SLC66A2: variants seen among roughly 807,000 people sequenced by gnomAD.
SLC66A2 encodes PQ loop repeat containing 1.
Under a neutral mutation model 25.5 loss-of-function variants are expected in SLC66A2, and 23 were observed. The observed-to-expected ratio is 0.90, with a 90% CI of 0.65 to 1.28. SLC66A2 has a LOEUF of 1.28. Ranked by LOEUF, SLC66A2 falls within the 50% of genes most tolerant of loss-of-function variation. The pLI, the probability that SLC66A2 is intolerant of heterozygous loss-of-function variation, is 0.00. For synonymous variants in SLC66A2, 193 were observed against 166.5 expected (o/e 1.16, Z -1.23); for missense variants, 396 against 373.1 (o/e 1.06, Z -0.51).
Position 79,943,457 on chromosome 18 carries a change from C to T in SLC66A2, c.209G>A (p.Gly70Glu). Reference protein sequence around the residue: ...ANILRILFWFGRRFESPLLWQ... With the variant: ...ANILRILFWFERRFESPLLWQ... ...CAGCAGCGGGGACTCAAAGCGCCTT[C>T]CAAACCTGCGGGAGAGACACTGTGT... Residue 70 changes from glycine (G) to glutamate (E), a missense_variant, in exon 3 of 6, where the codon GGA becomes GAA. Coordinates refer to ENST00000397778, the MANE Select transcript of SLC66A2 (RefSeq NM_025078.5). 1 of 1,613,886 alleles carries T rather than the reference C, an allele frequency of 6.2e-7. No individual in the cohort carries two copies. The highest frequency in any genetic ancestry group is 1.1e-5 in the South Asian group (1 of 91,060).
intron 5 of SLC66A2, among the ~76,000 whole-genome samples, chr18:79,905,457 AT>A (rs34047240): frequency 1 from 152,379 of 152,380 alleles, 76,189 homozygotes; most frequent in Non-Finnish European, 1. Context: ...AGGCTTCGGA[AT>A]TCCCCCCTGC....
Position 79,907,260 on chromosome 18 carries a change from T to C in SLC66A2, c.609-3077A>G, listed in dbSNP as rs148538873. On this transcript the variant is annotated intron_variant, in intron 5 of 5. Transcript: ENST00000397778. The stretch of plus-strand genomic sequence containing the variant: ...CCTACGGTTTTATTCCTGCCTTCTT[T>C]TAGATTATTTGAAATTTTTAAAATA... 4.4e-3 allele frequency among the ~76,000 whole-genome samples: 677 copies of C among 152,190 alleles called. 5 individuals carry two copies. Among genetic ancestry groups the C allele is most frequent in the African/African-American group, 0.015 (624 of 41,544 alleles).
rs775132903 is a variant in SLC66A2 at position 79,937,419 on chromosome 18, C to CAT, written c.338-3399_338-3398dup. 2.6e-5 allele frequency among the ~76,000 whole-genome samples: 4 copies of CAT among 152,224 alleles called. No individual in the cohort carries two copies. The highest frequency in any genetic ancestry group is 5.9e-5 in the Non-Finnish European group (4 of 68,048). ...AGTAACACACCAAACGTCCAACTCACATGTTCAGAATGACTCAGAAACATG... is the reference window on the plus strand; with the variant it reads ...AGTAACACACCAAACGTCCAACTCACATATGTTCAGAATGACTCAGAAACATG... On this transcript the variant is annotated intron_variant, in intron 3 of 5. Transcript: ENST00000397778. The surrounding 1 kb of genome is among the most constrained non-coding windows in gnomAD (Gnocchi z 5.4).
rs111864444 is a variant in SLC66A2 at position 79,927,865 on chromosome 18, G to A, written c.391+6104C>T. ...CCCAGACAGACAAGCGCTCACCGCC[G>A]CACTGCCCTAACAGCTGCTGAGACA... On this transcript the variant is annotated intron_variant, in intron 4 of 5. Transcript: ENST00000397778. This position sits in a 1 kb window ranked among gnomAD's most constrained non-coding sequence, Gnocchi z 6.2. Among the ~76,000 whole-genome samples the A allele has an allele frequency of 2.4e-4, 36 of 152,352 alleles. 1 individual carries two copies. Among genetic ancestry groups the A allele is most frequent in the Admixed American group, 1.6e-3 (25 of 15,312 alleles).
chr18:79,934,424 G>A (rs566809836), intron 3 of SLC66A2, among the ~76,000 whole-genome samples: 4 of 152,332 alleles, frequency 2.6e-5, no homozygotes, highest in Admixed American at 1.3e-4. Context: ...GCAAGCTGCG[G>A]CTGCAATATA....
At chr18:79,943,731 T>C (rs1315619058) in intron 2 of SLC66A2, 1 of 364,410 alleles carries the variant, frequency 2.7e-6, no homozygotes, top group Non-Finnish European at 4.9e-6. Context: ...AAAGATCCTG[T>C]GTCAGGAGGG....
chr18:79,946,097 G>A (rs977392115), intron 2 of SLC66A2, among the ~76,000 whole-genome samples: 1 of 152,178 alleles, frequency 6.6e-6, no homozygotes, highest in Non-Finnish European at 1.5e-5. Context: ...GGAGGCGGGT[G>A]AATCAAGGTT....
intron 5 of SLC66A2, among the ~76,000 whole-genome samples, chr18:79,905,376 T>C (rs1243517852): frequency 6.6e-6 from 1 of 152,208 alleles, no homozygotes; most frequent in African/African-American, 2.4e-5. Flanking sequence ...AAAGACAGGG[T>C]GGTGCCTGGG....
At position 79,937,715 on chromosome 18, in the gene SLC66A2, T is replaced by C. The variant is rs1043537468; in HGVS notation, c.338-3693A>G. Among the ~76,000 whole-genome samples the C allele has an allele frequency of 1.5e-4, 23 of 152,228 alleles. No homozygotes were observed. Among genetic ancestry groups the C allele is most frequent in the African/African-American group, 5.1e-4 (21 of 41,534 alleles). Reference sequence around the variant, plus strand: ...ACACAAGAACCAAACCTGGATCCGATAGGGCCTCAGGGTCCGCTATCTTTT... The same window carrying C: ...ACACAAGAACCAAACCTGGATCCGACAGGGCCTCAGGGTCCGCTATCTTTT... On this transcript the variant is annotated intron_variant, in intron 3 of 5. Transcript: ENST00000397778. This position sits in a 1 kb window ranked among gnomAD's most constrained non-coding sequence, Gnocchi z 5.4.
intron 5 of SLC66A2, among the ~76,000 whole-genome samples, chr18:79,906,970 A>G (rs1024959342): frequency 1.3e-5 from 2 of 152,180 alleles, no homozygotes; most frequent in African/African-American, 4.8e-5. Flanking sequence ...CAGCGACTCC[A>G]AGCTTTCTTT....
In SLC66A2 at chr18:79,918,670, C is replaced by T. The variant is rs1168146560; in HGVS notation, c.608+514G>A. Among the ~76,000 whole-genome samples the T allele has an allele frequency of 6.6e-5, 10 of 152,358 alleles. No homozygotes were observed. The highest frequency in any genetic ancestry group is 1.9e-4 in the East Asian group (1 of 5,190). Reference sequence around the variant, plus strand: ...TGGCGGTCACGGGGACGTCCAGGCACGCACTGGTGCAGGGCGCCCAGGCAT... The same window carrying T: ...TGGCGGTCACGGGGACGTCCAGGCATGCACTGGTGCAGGGCGCCCAGGCAT... On this transcript the variant is annotated intron_variant, in intron 5 of 5. Transcript: ENST00000397778. This position sits in a 1 kb window ranked among gnomAD's most constrained non-coding sequence, Gnocchi z 4.0.
chr18:79,924,768 T>G lies in SLC66A2; in HGVS notation c.392-5368A>C, dbSNP rs530476388. ...ATTAGTAAATACTTATCCAGCATTT[T>G]CTGATGCTGAAGTTGAAAATAGTTC... On this transcript the variant is annotated intron_variant, in intron 4 of 5. Transcript: ENST00000397778. 1.6e-3 allele frequency: 240 copies of G among 152,388 alleles called. 1 individual carries two copies. Among genetic ancestry groups the G allele is most frequent in the African/African-American group, 5.4e-3 (223 of 41,592 alleles). The allele number at this position is 152,388 out of a possible 1,614,324, so 9.4% of individuals were successfully genotyped here. A position where few individuals can be genotyped will look rare whatever the true frequency, so the allele number is the denominator to read the frequency against.
intron 4 of SLC66A2, among the ~76,000 whole-genome samples, chr18:79,932,276 CTACATTAAAAAGGAAGA>C (rs1202509190): frequency 1.3e-5 from 2 of 151,822 alleles, no homozygotes; most frequent in African/African-American, 4.8e-5. Context: ...CTGTCAATAA[CTACATTAAAAAGGAAGA>C]AAGAAAAAAA....
chr18:79,907,726 CCAAGGAAACATCTGGCAAT>C, intron 5 of SLC66A2, among the ~76,000 whole-genome samples: 1 of 151,870 alleles, frequency 6.6e-6, no homozygotes, highest in Non-Finnish European at 1.5e-5. Context: ...ACACCCCTGC[CCAAGGAAACATCTGGCAAT>C]TCCTGGAGAC....
intron 5 of SLC66A2, among the ~76,000 whole-genome samples, chr18:79,905,758 T>G (rs943633848): frequency 3.9e-5 from 6 of 152,236 alleles, no homozygotes; most frequent in Non-Finnish European, 8.8e-5. Context: ...CCACCACGCC[T>G]GCTTCAGGGA....
At chr18:79,935,531 G>A (rs2144892641) in intron 3 of SLC66A2, 1 of 152,484 alleles carries the variant, frequency 6.6e-6, no homozygotes, top group Non-Finnish European at 1.5e-5. Context: ...GCATCAGGAG[G>A]TGGTGTCAGT....
chr18:79,903,951 T>C lies in SLC66A2; in HGVS notation c.*25A>G, dbSNP rs1386514820. The C allele has an allele frequency of 1.5e-5, 23 of 1,570,608 alleles. No individual in the cohort carries two copies. The highest frequency in any genetic ancestry group is 1.9e-5 in the Non-Finnish European group (22 of 1,160,938). The stretch of plus-strand genomic sequence containing the variant: ...GCCCACCAGTGCCCGCGGCTGGCGG[T>C]CCCACATCCTCGTCCTCCCCACTGT... On this transcript the variant is annotated 3_prime_UTR_variant, in exon 6 of 6. Coordinates refer to ENST00000397778, the MANE Select transcript of SLC66A2 (RefSeq NM_025078.5).
chr18:79,930,411 G>A (rs1986449636), intron 4 of SLC66A2: 1 of 152,056 alleles, frequency 6.6e-6, no homozygotes, highest in Non-Finnish European at 1.5e-5. Flanking sequence ...AACAAGAACT[G>A]AGAAAATCTG....
chr18:79,912,316 T>C (rs1983352972), intron 5 of SLC66A2, among the ~76,000 whole-genome samples: 1 of 152,086 alleles, frequency 6.6e-6, no homozygotes, highest in South Asian at 2.1e-4. Context: ...TGTAACAGCA[T>C]AAACGTTAAA....
Sources: gnomAD v4.1 joint callset for allele counts (sites outside exome capture counted in the v4.1 genomes callset) on GRCh38, gnomAD v4.1.1 for gene constraint, Gnocchi (gnomAD v3.1) non-coding constraint, MANE v1.5 for transcripts, NCBI Gene and HGNC (gene_info 2026-07-23, HGNC 2026-07-21) for gene names.